Variants in COL5A1 observed in about 807,000 individuals in gnomAD.
The protein encoded by COL5A1 is collagen type V alpha 1 chain, also known as collagen alpha-1(V) chain.
A neutral mutation model predicts 263.7 loss-of-function variants in COL5A1; 16 were observed. The ratio of observed to expected loss-of-function variants is 0.06; its 90% CI spans 0.04 to 0.09. The LOEUF is 0.09. Among genes scored for constraint, COL5A1 ranks in the 10% least tolerant of loss-of-function variants. COL5A1 has a pLI of 1.00. For missense variants in COL5A1, 2,036 were observed against 2,540.5 expected, an observed-to-expected ratio of 0.80 and a Z score of 4.27; for synonymous variants, 1,012 against 1,004.5, an observed-to-expected ratio of 1.01 and a Z score of -0.14.
intron 41 of COL5A1, 74 bp from the exon 42 acceptor site, chr9:134,806,115 G>A: frequency 9.1e-7 from 1 of 1,103,960 alleles, no homozygotes; most frequent in East Asian, 2.6e-5. Flanking sequence ...GGAGTGATCA[G>A]CTGGTGCTTT....
chr9:134,824,025 G>A (rs779253607), intron 61 of COL5A1, among the ~76,000 whole-genome samples: 108 of 152,344 alleles, frequency 7.1e-4, no homozygotes, highest in Non-Finnish European at 1.2e-3. Context: ...ATGTGTGTGT[G>A]TGTGTTGGGA....
chr9:134,813,395 A>G (rs539379308), intron 48 of COL5A1, among the ~76,000 whole-genome samples: 15 of 152,288 alleles, frequency 9.8e-5, no homozygotes, highest in African/African-American at 3.6e-4. Flanking sequence ...TCTGACATCA[A>G]TCAGGCCATT....
chr9:134,671,711 G>A (rs886202580), intron 1 of COL5A1, among the ~76,000 whole-genome samples: 3 of 152,212 alleles, frequency 2.0e-5, no homozygotes, highest in African/African-American at 7.2e-5. Flanking sequence ...TTTGTAACTG[G>A]AAGTGTATTC....
At chr9:134,793,852 C>T (rs547870236) in intron 32 of COL5A1, among the ~76,000 whole-genome samples, 5 of 152,272 alleles carry the variant, frequency 3.3e-5, no homozygotes, top group South Asian at 4.2e-4. Context: ...GGAACCGGAG[C>T]GCATTGTTAA....
intron 1 of COL5A1, among the ~76,000 whole-genome samples, chr9:134,671,446 G>A (rs1019561802): frequency 2.6e-5 from 4 of 152,282 alleles, no homozygotes; most frequent in East Asian, 1.9e-4. Context: ...CAAAGCTCTC[G>A]TAATTGAAAA....
chr9:134,654,811 G>T (rs1186853582), intron 1 of COL5A1, among the ~76,000 whole-genome samples: 10 of 132,518 alleles, frequency 7.5e-5, no homozygotes, highest in African/African-American at 2.9e-4. Context: ...GTGTGTTTAG[G>T]GCGGGGTTTG....
intron 1 of COL5A1, among the ~76,000 whole-genome samples, chr9:134,689,306 T>C (rs1367038521): frequency 6.6e-6 from 1 of 152,178 alleles, no homozygotes; most frequent in African/African-American, 2.4e-5. Flanking sequence ...GACTTTCCTC[T>C]TGAGCCCGTC....
rs193107550 is a variant in COL5A1 at position 134,818,826 on chromosome 9, G to A, written c.4339-22G>A. 2 of 1,613,202 alleles carry A rather than the reference G, an allele frequency of 1.2e-6. No homozygotes were observed. The highest frequency in any genetic ancestry group is 1.7e-6 in the Non-Finnish European group (2 of 1,179,918). ...GAGGGACGGGGGACCAGCAACTCAT[G>A]CAGAGCGTCTCTGTGTTTCAGGGAG... On this transcript the variant is annotated intron_variant, in intron 55 of 65. Transcript: ENST00000371817. This position sits in a 1 kb window ranked among gnomAD's most constrained non-coding sequence, Gnocchi z 6.0.
chr9:134,673,577 G>A (rs1352216321), intron 1 of COL5A1, among the ~76,000 whole-genome samples: 1 of 152,012 alleles, frequency 6.6e-6, no homozygotes, highest in Non-Finnish European at 1.5e-5. Context: ...GATGGGTCAT[G>A]TATTTAAAGG....
rs753425135 is a variant in COL5A1, at chr9:134,732,142, T to C, written c.1389+15T>C. The stretch of plus-strand genomic sequence containing the variant: ...TTATCGAGCCGGTGAGGACATTTTC[T>C]CATTCCCTCCCTGCGCCGGGGTGTC... On this transcript the variant is annotated intron_variant, in intron 9 of 65. Transcript: ENST00000371817. 8.1e-6 allele frequency: 13 copies of C among 1,614,078 alleles called. No individual in the cohort carries two copies. The highest frequency in any genetic ancestry group is 9.3e-6 in the Non-Finnish European group (11 of 1,180,012).
rs1834697139 is a variant in COL5A1, at chr9:134,727,256, T to C, written c.655-10T>C. The stretch of plus-strand genomic sequence containing the variant: ...GAGCTGCTTTTTCATGAGCGTCTCT[T>C]CTTTTCCAGGGTGACATCCAGCAGC... On this transcript the variant is annotated splice_polypyrimidine_tract_variant and intron_variant, in intron 4 of 65. Transcript: ENST00000371817. 1 of 1,613,382 alleles carries C rather than the reference T, an allele frequency of 6.2e-7. No individual in the cohort carries two copies. The highest frequency in any genetic ancestry group is 1.7e-5 in the Admixed American group (1 of 59,998).
rs1836997677 is a variant in COL5A1, at chr9:134,774,882, G to T, written c.2355G>T (p.Pro785=). 6.2e-7 allele frequency: 1 copy of T among 1,613,866 alleles called. No individual in the cohort carries two copies. Among genetic ancestry groups the T allele is most frequent in the East Asian group, 2.2e-5 (1 of 44,882 alleles). Residue 785 remains proline (P), a synonymous_variant, in exon 27 of 66, where the codon CCG becomes CCT. Coordinates refer to ENST00000371817, the MANE Select transcript of COL5A1 (RefSeq NM_000093.5). The part of the protein sequence containing the change: ...GGQGPPGPQG[P]IGYPGPRGVK... ...AGGGTCCACCTGGCCCCCAGGGTCC[G>T]ATTGGCTACCCAGGTCCTCGAGGAG...
chr9:134,830,518 C>G (rs1032999548), intron 64 of COL5A1, among the ~76,000 whole-genome samples: 2 of 152,180 alleles, frequency 1.3e-5, no homozygotes, highest in African/African-American at 4.8e-5. Context: ...GAAGCAGGAG[C>G]GCTTTCACTG....
intron 4 of COL5A1, among the ~76,000 whole-genome samples, chr9:134,707,922 G>A (rs776667268): frequency 6.6e-6 from 1 of 152,216 alleles, no homozygotes; most frequent in African/African-American, 2.4e-5. Flanking sequence ...GTGCTGAGCT[G>A]TGTGCGGCTG....
Position 134,842,398 on chromosome 9 carries a change from A to C in COL5A1, c.*95A>C. On this transcript the variant is annotated 3_prime_UTR_variant, in exon 66 of 66. Coordinates refer to ENST00000371817, the MANE Select transcript of COL5A1 (RefSeq NM_000093.5). This position sits in a 1 kb window ranked among gnomAD's most constrained non-coding sequence, Gnocchi z 5.8. ...GTGCACGTCCTGACCCTGGACAGTG[A>C]AGGCTTCTCCCTCCCCTCCCACCTG... 1 of 1,458,526 alleles carries C rather than the reference A, an allele frequency of 6.9e-7. No individual in the cohort carries two copies. 90.3% of individuals were successfully genotyped at this position (1,458,526 alleles called of 1,614,324 possible).
At chr9:134,782,748 C>A (rs1304855496) in intron 29 of COL5A1, 28 bp downstream of exon 29, 10 of 1,561,240 alleles carry the variant, frequency 6.4e-6, no homozygotes, top group Admixed American at 3.4e-5. Flanking sequence ...GGGATTTGGG[C>A]TGGGGAAAGC....
Position 134,765,830 on chromosome 9 carries a change from C to T in COL5A1, c.2088+96C>T, listed in dbSNP as rs1298027655. 2.0e-6 allele frequency: 2 copies of T among 1,012,230 alleles called. No homozygotes were observed. Among genetic ancestry groups the T allele is most frequent in the Admixed American group, 2.2e-5 (1 of 45,978 alleles). The allele number at this position is 1,012,230 out of a possible 1,614,324, so 62.7% of individuals were successfully genotyped here. A position where few individuals can be genotyped will look rare whatever the true frequency, so the allele number is the denominator to read the frequency against. ...ACGCTTGGGCACTGGGGCAGCAAGT[C>T]CGTGCTGGCCCCTCTGGCGCCTGCC... On this transcript the variant is annotated intron_variant, in intron 21 of 65. Coordinates refer to ENST00000371817, the MANE Select transcript of COL5A1 (RefSeq NM_000093.5). This position sits in a 1 kb window ranked among gnomAD's most constrained non-coding sequence, Gnocchi z 5.1.
rs543791717 is a variant in COL5A1, at chr9:134,696,939, C to T, written c.278-2970C>T. On this transcript the variant is annotated intron_variant, in intron 2 of 65. Transcript: ENST00000371817. This position sits in a 1 kb window ranked among gnomAD's most constrained non-coding sequence, Gnocchi z 4.3. ...CAAAAAAATTAGCCAGGCTTGGTGG[C>T]GGGTGCCTGTAGTCCCAGCTACTCG... is the stretch of plus-strand genomic sequence containing the variant. Among the ~76,000 whole-genome samples, 57 of 152,082 alleles carry T rather than the reference C, an allele frequency of 3.7e-4. No homozygotes were observed. The highest frequency in any genetic ancestry group is 1.1e-3 in the African/African-American group (47 of 41,490).
Position 134,740,678 on chromosome 9 carries a change from A to G in COL5A1, c.1494+1870A>G, listed in dbSNP as rs141618179. ...CCTGGGGATCTCAATGGTGTGAACC[A>G]GAGGGGTGCTGGTTCACACCTCACC... On this transcript the variant is annotated intron_variant, in intron 11 of 65. Coordinates refer to ENST00000371817, the MANE Select transcript of COL5A1 (RefSeq NM_000093.5). Among the ~76,000 whole-genome samples the G allele has an allele frequency of 5.6e-3, 849 of 152,306 alleles. 7 individuals are homozygous for G. Among genetic ancestry groups the G allele is most frequent in the Admixed American group, 0.011 (171 of 15,308 alleles).
Sources: gnomAD v4.1 joint callset for allele counts (sites outside exome capture counted in the v4.1 genomes callset) on GRCh38, gnomAD v4.1.1 for gene constraint, Gnocchi (gnomAD v3.1) non-coding constraint, MANE v1.5 for transcripts, NCBI Gene and HGNC (gene_info 2026-07-23, HGNC 2026-07-21) for gene names.